Variants in LRP1B observed in about 807,000 individuals in gnomAD.
LRP1B encodes low-density lipoprotein receptor-related protein 1B.
Under a neutral mutation model 556.6 loss-of-function variants are expected in LRP1B, and 217 were observed. That is an observed-to-expected ratio of 0.39 (90% CI 0.35 to 0.44). LRP1B has a LOEUF of 0.44. Ranked by LOEUF, LRP1B falls within the 20% of genes least tolerant of loss-of-function variation. LRP1B has a pLI of 1.00. For missense variants in LRP1B, 5,053 were observed against 5,620.8 expected (o/e 0.90, Z 3.23); for synonymous variants, 2,047 against 1,865.8 (o/e 1.10, Z -2.50).
At chr2:141,667,729 A>C (rs1690497826) in intron 2 of LRP1B, among the ~76,000 whole-genome samples, 1 of 152,166 alleles carries the variant, frequency 6.6e-6, no homozygotes, top group South Asian at 2.1e-4. Flanking sequence ...CATTTTGGTA[A>C]GTTAGTTATT....
intron 22 of LRP1B, among the ~76,000 whole-genome samples, chr2:140,906,824 CT>C (rs1694266999): frequency 6.6e-6 from 1 of 151,768 alleles, no homozygotes; most frequent in Non-Finnish European, 1.5e-5. Flanking sequence ...TATTTATAAC[CT>C]TTTTGTTGCT....
chr2:141,809,145 G>A (rs1696257124), intron 2 of LRP1B, among the ~76,000 whole-genome samples: 1 of 152,096 alleles, frequency 6.6e-6, no homozygotes, highest in South Asian at 2.1e-4. Context: ...AACTCTTCCT[G>A]TGGAAAAAGT....
chr2:141,191,206 T>C (rs1338224774), intron 6 of LRP1B, among the ~76,000 whole-genome samples: 1 of 152,012 alleles, frequency 6.6e-6, no homozygotes, highest in Admixed American at 6.6e-5. Context: ...TCCTTATGAA[T>C]GCTTCTGTGT....
At chr2:140,573,490 A>G (rs1681406876) in intron 43 of LRP1B, among the ~76,000 whole-genome samples, 1 of 151,916 alleles carries the variant, frequency 6.6e-6, no homozygotes, top group Non-Finnish European at 1.5e-5. Context: ...AATCACCCCA[A>G]ATTTGTAAAT....
chr2:140,370,588 G>A (rs1306765931), intron 71 of LRP1B, 122 bp downstream of exon 71: 1 of 1,317,328 alleles, frequency 7.6e-7, no homozygotes, highest in South Asian at 1.5e-5. Context: ...ATGAAACTTG[G>A]AAGAGTAAAG....
intron 2 of LRP1B, among the ~76,000 whole-genome samples, chr2:141,510,068 A>T (rs552668923): frequency 7.9e-5 from 12 of 152,248 alleles, no homozygotes; most frequent in African/African-American, 2.2e-4. Flanking sequence ...CAGAAAAAAA[A>T]GTACTCTTTC....
chr2:141,242,786 A>T (rs1416142389), intron 5 of LRP1B, among the ~76,000 whole-genome samples: 3 of 152,086 alleles, frequency 2.0e-5, no homozygotes, highest in East Asian at 3.9e-4. Flanking sequence ...GTATGCTGGG[A>T]TAAGTGCCTG....
chr2:140,302,288 T>G (rs1683867472), intron 83 of LRP1B, among the ~76,000 whole-genome samples: 1 of 152,178 alleles, frequency 6.6e-6, no homozygotes, highest in Non-Finnish European at 1.5e-5. Flanking sequence ...CTTCCTAAAC[T>G]TCAGACCTTC....
At chr2:140,538,022 A>G (rs1358845131) in intron 45 of LRP1B, among the ~76,000 whole-genome samples, 1 of 152,092 alleles carries the variant, frequency 6.6e-6, no homozygotes, top group East Asian at 1.9e-4. Flanking sequence ...GTTGGAGGTA[A>G]GTAGAATTCA....
At chr2:141,485,534 G>C (rs1052725488) in intron 2 of LRP1B, among the ~76,000 whole-genome samples, 2 of 152,082 alleles carry the variant, frequency 1.3e-5, no homozygotes, top group Non-Finnish European at 2.9e-5. Context: ...AGGGCAGTTT[G>C]AGAAATAGCA....
chr2:140,592,690 T>A (rs2105170868), intron 43 of LRP1B, among the ~76,000 whole-genome samples: 1 of 152,292 alleles, frequency 6.6e-6, no homozygotes, highest in South Asian at 2.1e-4. Context: ...TATAGATGCA[T>A]ATAGATGATA....
At chr2:141,359,897 T>G (rs779171742) in intron 3 of LRP1B, among the ~76,000 whole-genome samples, 5 of 151,900 alleles carry the variant, frequency 3.3e-5, no homozygotes, top group African/African-American at 1.2e-4. Context: ...TAGCCAAGTA[T>G]GCACAGAGAA....
chr2:141,599,184 T>C (rs1356200454), intron 2 of LRP1B, among the ~76,000 whole-genome samples: 1 of 151,084 alleles, frequency 6.6e-6, no homozygotes, highest in Admixed American at 6.6e-5. Context: ...AGCAGTCATA[T>C]CACTTTTGTT....
At chr2:141,114,261 G>A (rs1163522306) in intron 7 of LRP1B, among the ~76,000 whole-genome samples, 4 of 152,188 alleles carry the variant, frequency 2.6e-5, no homozygotes, top group South Asian at 4.1e-4. Context: ...AGTTGCCTCC[G>A]TGGACAGCTA....
chr2:141,662,800 C>T (rs1690271400), intron 2 of LRP1B, among the ~76,000 whole-genome samples: 1 of 151,980 alleles, frequency 6.6e-6, no homozygotes, highest in Non-Finnish European at 1.5e-5. Context: ...ATATTCAGGA[C>T]TTGAACTCAC....
chr2:141,772,956 T>C (rs1694950128), intron 2 of LRP1B, among the ~76,000 whole-genome samples: 1 of 152,180 alleles, frequency 6.6e-6, no homozygotes, highest in Non-Finnish European at 1.5e-5. Flanking sequence ...TCCTCCTCTT[T>C]TGTTAAAAGA....
intron 2 of LRP1B, among the ~76,000 whole-genome samples, chr2:141,731,277 C>CTGGG (rs1693263315): frequency 6.6e-6 from 1 of 152,080 alleles, no homozygotes; most frequent in Admixed American, 6.6e-5. Flanking sequence ...GGCACAGTGT[C>CTGGG]TGGGCCTGCT....
chr2:141,385,197 A>C (rs1689786071), intron 3 of LRP1B, among the ~76,000 whole-genome samples: 1 of 152,218 alleles, frequency 6.6e-6, no homozygotes, highest in Admixed American at 6.5e-5. Context: ...CACTAATAAA[A>C]TACCTGAAAA....
At chr2:142,077,755 A>C (rs1705559602) in intron 1 of LRP1B, among the ~76,000 whole-genome samples, 2 of 151,986 alleles carry the variant, frequency 1.3e-5, no homozygotes, top group African/African-American at 2.4e-5. Flanking sequence ...CTCTGCGAGG[A>C]ATTTGTCTTC....
Sources: gnomAD v4.1 joint callset for allele counts (sites outside exome capture counted in the v4.1 genomes callset) on GRCh38, gnomAD v4.1.1 for gene constraint, MANE v1.5 for transcripts, NCBI Gene and HGNC (gene_info 2026-07-23, HGNC 2026-07-21) for gene names.